The following PTK2B variants were observed in gnomAD, a reference collection of about 807,000 sequenced individuals.
PTK2B encodes protein tyrosine kinase 2 beta.
PTK2B carries 71 observed loss-of-function variants against 142.9 expected under a neutral mutation model. The ratio of observed to expected loss-of-function variants is 0.50; its 90% CI spans 0.41 to 0.61. The LOEUF is 0.61. Ranked by LOEUF, PTK2B falls within the 20% of genes least tolerant of loss-of-function variation. The probability of loss-of-function intolerance (pLI) is 0.00; values close to 1 mark genes in which losing one functional copy is unlikely to be tolerated. For missense variants in PTK2B, 1,105 were observed against 1,320.4 expected, an observed-to-expected ratio of 0.84 and a Z score of 2.53; for synonymous variants, 519 against 503.4, an observed-to-expected ratio of 1.03 and a Z score of -0.42.
intron 12 of PTK2B, 102 bp from the exon 13 acceptor site, chr8:27,434,411 A>G (rs1167475633): frequency 3.0e-6 from 4 of 1,313,452 alleles, no homozygotes; most frequent in Non-Finnish European, 1.0e-6. Context: ...TGGACAGACT[A>G]CTTCTCCACA....
At chr8:27,452,804 A>G (rs976392369) in intron 27 of PTK2B, 1 of 486,450 alleles carries the variant, frequency 2.1e-6, no homozygotes, top group Non-Finnish European at 3.7e-6. Context: ...ATCACCCAGT[A>G]CTGTTCCTTA....
chr8:27,391,244 G>A (rs555594511), intron 1 of PTK2B, among the ~76,000 whole-genome samples: 2 of 152,050 alleles, frequency 1.3e-5, no homozygotes, highest in East Asian at 1.9e-4. Flanking sequence ...TTACAGGCAC[G>A]TGCCACCACA....
chr8:27,321,629 C>T (rs1803218636), upstream of PTK2B, among the ~76,000 whole-genome samples: 1 of 152,166 alleles, frequency 6.6e-6, no homozygotes, highest in South Asian at 2.1e-4. Flanking sequence ...AGGATGTGCT[C>T]ATTCCCTTGA....
chr8:27,447,178 A>C (rs1167314520), intron 24 of PTK2B, among the ~76,000 whole-genome samples: 2 of 152,208 alleles, frequency 1.3e-5, no homozygotes, highest in Non-Finnish European at 2.9e-5. Context: ...TCAGTTCCAT[A>C]AAGAGATTGT....
chr8:27,329,381 C>T (rs534960635), intron 1 of PTK2B, among the ~76,000 whole-genome samples: 1 of 152,264 alleles, frequency 6.6e-6, no homozygotes, highest in South Asian at 2.1e-4. Context: ...CTTAGCTCTC[C>T]ATAGTGACGA....
chr8:27,446,947 C>G (rs1811509814), intron 24 of PTK2B, among the ~76,000 whole-genome samples: 1 of 152,198 alleles, frequency 6.6e-6, no homozygotes, highest in African/African-American at 2.4e-5. Flanking sequence ...CAATTTCTGT[C>G]TTTGCGTGTG....
At chr8:27,372,500 A>G (rs1423316173) in intron 1 of PTK2B, among the ~76,000 whole-genome samples, 2 of 152,112 alleles carry the variant, frequency 1.3e-5, no homozygotes, top group Non-Finnish European at 2.9e-5. Context: ...CCTTTAACTG[A>G]TTGTATGAGG....
At chr8:27,454,112 T>C (rs922395522) in intron 28 of PTK2B, 42 bp from the exon 29 acceptor site, 15 of 1,612,524 alleles carry the variant, frequency 9.3e-6, no homozygotes, top group Non-Finnish European at 1.3e-5. Context: ...TCCGTGCCCC[T>C]GGCTCTCCCC....
rs142553793 is a variant in PTK2B at position 27,330,791 on chromosome 8, T to G, written c.-38+5110T>G. Reference sequence around the variant, plus strand: ...CGGGCAGGTTGGTGTGAATGCAGAGTTTAATTTTCAGGAGACCCTCCAGGT... The same window carrying G: ...CGGGCAGGTTGGTGTGAATGCAGAGGTTAATTTTCAGGAGACCCTCCAGGT... On this transcript the variant is annotated intron_variant, in intron 1 of 30. Coordinates refer to ENST00000346049, the MANE Select transcript of PTK2B (RefSeq NM_173176.3). 6.6e-5 allele frequency among the ~76,000 whole-genome samples: 10 copies of G among 152,106 alleles called. No individual in the cohort carries two copies. In the East Asian group the frequency reaches 1.9e-3, roughly 29 times the overall value.
chr8:27,333,222 A>T (rs1269827017), intron 1 of PTK2B, among the ~76,000 whole-genome samples: 1 of 152,170 alleles, frequency 6.6e-6, no homozygotes. Flanking sequence ...TTTGGGTGGA[A>T]CCAAGAGTGG....
rs1351858404 is a variant in PTK2B at position 27,363,649 on chromosome 8, C to G, written c.-37-33899C>G. ...GCCCTTCTTGCAAGTCCTCCTTTTT[C>G]TCATCATGGACCTCCTCCCCGGAGC... On this transcript the variant is annotated intron_variant, in intron 1 of 30. Coordinates refer to ENST00000346049, the MANE Select transcript of PTK2B (RefSeq NM_173176.3). This position sits in a 1 kb window ranked among gnomAD's most constrained non-coding sequence, Gnocchi z 4.3. Among the ~76,000 whole-genome samples the G allele has an allele frequency of 6.6e-6, 1 of 152,138 alleles. No individual in the cohort carries two copies. The highest frequency in any genetic ancestry group is 2.4e-5 in the African/African-American group (1 of 41,448).
rs751275632 is a variant in PTK2B, at chr8:27,437,821, G to A, written c.1584G>A (p.Leu528=). The change falls in exon 18 of 31, where the codon CTG becomes CTA. Residue 528 remains leucine (L), a synonymous_variant. Transcript: ENST00000346049. ...CCCTGAAGGTGCTCACCCTCGTGCTGTACTCACTGCAGATATGCAAAGCCA... is the reference window on the plus strand; with the variant it reads ...CCCTGAAGGTGCTCACCCTCGTGCTATACTCACTGCAGATATGCAAAGCCA... ...KNSLKVLTLV[L]YSLQICKAMA... The A allele has an allele frequency of 8.1e-6, 13 of 1,613,704 alleles. No individual in the cohort carries two copies. Among genetic ancestry groups the A allele is most frequent in the Middle Eastern group, 1.7e-4 (1 of 6,052 alleles).
chr8:27,387,686 C>G (rs1191320864), intron 1 of PTK2B, among the ~76,000 whole-genome samples: 1 of 152,160 alleles, frequency 6.6e-6, no homozygotes, highest in Non-Finnish European at 1.5e-5. Context: ...TTCTGGTAAT[C>G]CCAACACTAC....
intron 1 of PTK2B, among the ~76,000 whole-genome samples, chr8:27,312,122 G>A (rs894179942): frequency 2.0e-5 from 3 of 152,166 alleles, no homozygotes; most frequent in African/African-American, 7.2e-5. Flanking sequence ...AGGCCTGGAT[G>A]GTTCCTTCAG....
Position 27,335,595 on chromosome 8 carries a change from C to CAAA in PTK2B, c.-38+9931_-38+9933dup, listed in dbSNP as rs900959610. On this transcript the variant is annotated intron_variant, in intron 1 of 30. Transcript: ENST00000346049. ...TGGGCAAAAGAGCAAAACACTGTCT[C>CAAA]AAAAAAAAAAAAAAAAAAAGAGAAA... 2.0e-4 allele frequency among the ~76,000 whole-genome samples: 15 copies of CAAA among 74,338 alleles called. No individual in the cohort carries two copies. The South Asian group carries it at 3.4e-3, about 17-fold the overall frequency. 48.8% of individuals were successfully genotyped at this position (74,338 alleles called of 152,430 possible).
chr8:27,438,383 C>G (rs1372689664), intron 18 of PTK2B, among the ~76,000 whole-genome samples: 2 of 33,822 alleles, frequency 5.9e-5, no homozygotes, highest in Non-Finnish European at 1.2e-4. Flanking sequence ...TTCCCATTCC[C>G]TGCCATGAGA....
At chr8:27,419,665 A>G (rs1809622236) in intron 2 of PTK2B, among the ~76,000 whole-genome samples, 2 of 152,160 alleles carry the variant, frequency 1.3e-5, no homozygotes, top group South Asian at 4.1e-4. Context: ...TTTCTCCTTC[A>G]CTTCTGCTCT....
At chr8:27,430,181 C>T in intron 6 of PTK2B, 26 bp downstream of exon 6, 1 of 1,601,710 alleles carries the variant, frequency 6.2e-7, no homozygotes, top group Non-Finnish European at 8.6e-7. Context: ...ACCCATCTCC[C>T]CTCCCTTCCT....
chr8:27,398,749 C>G (rs1462046523), intron 2 of PTK2B, among the ~76,000 whole-genome samples: 1 of 152,216 alleles, frequency 6.6e-6, no homozygotes, highest in African/African-American at 2.4e-5. Flanking sequence ...GCCAACCTTT[C>G]CCATGTCCTG....
Sources: allele counts gnomAD v4.1 joint callset (sites outside exome capture counted in the v4.1 genomes callset), GRCh38; gene constraint gnomAD v4.1.1; non-coding constraint Gnocchi (gnomAD v3.1); transcripts MANE v1.5; gene names NCBI Gene and HGNC (gene_info 2026-07-23, HGNC 2026-07-21).